The following HAPLN1 variants were observed in gnomAD, a reference collection of about 807,000 sequenced individuals.
HAPLN1 encodes Cartilage link protein.
Under a neutral mutation model 36.5 loss-of-function variants are expected in HAPLN1, and 13 were observed. That is an observed-to-expected ratio of 0.36 (90% CI 0.23 to 0.57). HAPLN1 has a LOEUF of 0.57. Among genes scored for constraint, HAPLN1 ranks in the 20% least tolerant of loss-of-function variants. The pLI is 0.83. For missense variants in HAPLN1, 407 were observed against 439.7 expected (o/e 0.93, Z 0.66); for synonymous variants, 202 against 169.8 (o/e 1.19, Z -1.48).
At position 83,652,680 on chromosome 5, in the gene HAPLN1, G is replaced by C; in HGVS notation, c.245C>G (p.Thr82Ser). 1 of 1,614,040 alleles carries C rather than the reference G, an allele frequency of 6.2e-7. No homozygotes were observed. Among genetic ancestry groups the C allele is most frequent in the Non-Finnish European group, 8.5e-7 (1 of 1,180,000 alleles). Residue 82 changes from threonine (T) to serine (S), a missense_variant, in exon 3 of 5, where the codon ACC becomes AGC. Physicochemically the swap from Thr to Ser is moderately conservative, Grantham distance 58. Transcript: ENST00000274341. ...SGIHKIRIKW[T>S]KLTSDYLKEV... is the part of the protein sequence containing the mutation. ...CTTGAGGTAATCCGAAGTTAGCTTG[G>C]TCCACTTAATTCGGATTTTATGGAT...
chr5:83,701,124 G>A (rs998627058), intron 1 of HAPLN1, among the ~76,000 whole-genome samples: 1 of 152,146 alleles, frequency 6.6e-6, no homozygotes, highest in African/African-American at 2.4e-5. Context: ...GCTAATACTA[G>A]ACTAATTGCA....
chr5:83,675,646 T>C (rs950286553), intron 1 of HAPLN1, among the ~76,000 whole-genome samples: 1 of 152,232 alleles, frequency 6.6e-6, no homozygotes, highest in African/African-American at 2.4e-5. Flanking sequence ...TTCATTCCAA[T>C]GTGTTAAAGT....
At chr5:83,708,062 A>G (rs1159983348) in intron 1 of HAPLN1, among the ~76,000 whole-genome samples, 1 of 152,268 alleles carries the variant, frequency 6.6e-6, no homozygotes, top group Non-Finnish European at 1.5e-5. Context: ...TCAGAAAATA[A>G]CAGATGCTGG....
chr5:83,718,710 G>A (rs957113874), intron 1 of HAPLN1, among the ~76,000 whole-genome samples: 1 of 152,110 alleles, frequency 6.6e-6, no homozygotes, highest in African/African-American at 2.4e-5. Flanking sequence ...TTAATTTGAA[G>A]CACTATCAAA....
chr5:83,684,216 T>A (rs1751069669), intron 1 of HAPLN1, among the ~76,000 whole-genome samples: 1 of 152,104 alleles, frequency 6.6e-6, no homozygotes, highest in Non-Finnish European at 1.5e-5. Flanking sequence ...CTTACATATC[T>A]CAGGGGCACC....
intron 1 of HAPLN1, chr5:83,674,932 T>A (rs527378222): frequency 6.6e-6 from 1 of 152,212 alleles, no homozygotes; most frequent in African/African-American, 2.4e-5. Flanking sequence ...TTAAATCTTT[T>A]CTTTTTCTTC....
At chr5:83,692,594 A>G (rs1751305359) in intron 1 of HAPLN1, among the ~76,000 whole-genome samples, 3 of 152,096 alleles carry the variant, frequency 2.0e-5, no homozygotes, top group African/African-American at 7.2e-5. Context: ...AAAATAATTC[A>G]TCAATAGCCT....
intron 1 of HAPLN1, among the ~76,000 whole-genome samples, chr5:83,698,098 C>A (rs1490552531): frequency 1.3e-5 from 2 of 151,976 alleles, no homozygotes; most frequent in African/African-American, 4.8e-5. Context: ...AATCAAAGGT[C>A]ATTAATATTT....
chr5:83,651,239 C>A (rs1470366482), intron 3 of HAPLN1, among the ~76,000 whole-genome samples: 5 of 152,150 alleles, frequency 3.3e-5, no homozygotes, highest in Non-Finnish European at 7.3e-5. Flanking sequence ...AAAACTGATA[C>A]TGGCAGAGCT....
intron 1 of HAPLN1, among the ~76,000 whole-genome samples, chr5:83,680,915 C>T (rs1424834521): frequency 6.6e-6 from 1 of 152,056 alleles, no homozygotes; most frequent in Non-Finnish European, 1.5e-5. Flanking sequence ...AGCAGTACTG[C>T]CACTTCTCAG....
intron 4 of HAPLN1, among the ~76,000 whole-genome samples, chr5:83,642,003 C>T (rs1175685309): frequency 6.6e-6 from 1 of 152,096 alleles, no homozygotes; most frequent in Admixed American, 6.6e-5. Context: ...TCCAGACATG[C>T]CCCTTTTATA....
chr5:83,701,576 A>G (rs944165020), intron 1 of HAPLN1, among the ~76,000 whole-genome samples: 18 of 152,242 alleles, frequency 1.2e-4, no homozygotes, highest in Non-Finnish European at 2.4e-4. Flanking sequence ...TGGATAAAAC[A>G]ACTCATTAAC....
At chr5:83,650,182 G>C (rs1696903071) in intron 3 of HAPLN1, among the ~76,000 whole-genome samples, 1 of 152,132 alleles carries the variant, frequency 6.6e-6, no homozygotes, top group Non-Finnish European at 1.5e-5. Flanking sequence ...AATCACAGTG[G>C]AGTAGAGCAT....
intron 2 of HAPLN1, among the ~76,000 whole-genome samples, chr5:83,658,324 G>T (rs977215719): frequency 3.3e-5 from 5 of 152,116 alleles, no homozygotes; most frequent in African/African-American, 1.2e-4. Context: ...ACTCTGCCTT[G>T]TTTATGTTGT....
At chr5:83,708,711 G>GT (rs1751706757) in intron 1 of HAPLN1, among the ~76,000 whole-genome samples, 1 of 151,526 alleles carries the variant, frequency 6.6e-6, no homozygotes, top group African/African-American at 2.4e-5. Context: ...TAAACTAAAA[G>GT]TTAAAAAAAA....
At chr5:83,686,184 T>A (rs989771930) in intron 1 of HAPLN1, among the ~76,000 whole-genome samples, 2 of 140,290 alleles carry the variant, frequency 1.4e-5, no homozygotes, top group Non-Finnish European at 3.1e-5. Context: ...AGACTTGAGG[T>A]CAAATTACCG....
chr5:83,712,780 A>T (rs1272975201), intron 1 of HAPLN1, among the ~76,000 whole-genome samples: 1 of 151,712 alleles, frequency 6.6e-6, no homozygotes, highest in Non-Finnish European at 1.5e-5. Context: ...TGGTATAAAT[A>T]TGTCCCATGA....
chr5:83,712,068 A>G (rs1751797053), intron 1 of HAPLN1, among the ~76,000 whole-genome samples: 1 of 152,232 alleles, frequency 6.6e-6, no homozygotes, highest in Non-Finnish European at 1.5e-5. Flanking sequence ...TCTGTATTAA[A>G]TTATACAGCA....
At chr5:83,680,588 G>GTCAATAAATA (rs1561314845) in intron 1 of HAPLN1, among the ~76,000 whole-genome samples, 1 of 152,112 alleles carries the variant, frequency 6.6e-6, no homozygotes, top group Non-Finnish European at 1.5e-5. Flanking sequence ...AGTTGAGGAA[G>GTCAATAAATA]TCAATAAATA....
Sources: allele counts gnomAD v4.1 joint callset (sites outside exome capture counted in the v4.1 genomes callset), GRCh38; gene constraint gnomAD v4.1.1; transcripts MANE v1.5; gene names NCBI Gene and HGNC (gene_info 2026-07-23, HGNC 2026-07-21).